RAB38: variants seen among roughly 807,000 people sequenced by gnomAD.
RAB38 encodes the protein ras-related protein Rab-38.
Under a neutral mutation model 18.4 loss-of-function variants are expected in RAB38, and 15 were observed. The observed-to-expected ratio is 0.82, with a 90% CI of 0.55 to 1.26. The LOEUF (loss-of-function observed/expected upper bound fraction) is 1.26, where lower values mean the gene tolerates loss of function less well. Among genes scored for constraint, RAB38 ranks in the 50% most tolerant of loss-of-function variants. The probability of loss-of-function intolerance (pLI) is 0.00; values close to 1 mark genes in which losing one functional copy is unlikely to be tolerated. For missense variants in RAB38, 294 were observed against 267.4 expected, an observed-to-expected ratio of 1.10 and a Z score of -0.69; for synonymous variants, 101 against 104.4, an observed-to-expected ratio of 0.97 and a Z score of 0.20.
the RAB38 span, among the ~76,000 whole-genome samples, chr11:87,804,008 A>G: frequency 6.6e-6 from 1 of 152,210 alleles, no homozygotes; most frequent in African/African-American, 2.4e-5. Context: ...ACATATGCAT[A>G]TGCCAGGTCT....
the RAB38 span, among the ~76,000 whole-genome samples, chr11:87,941,233 A>ATATATATATATATG: frequency 8.0e-6 from 1 of 124,264 alleles, no homozygotes; most frequent in Admixed American, 8.5e-5. Context: ...ATATATATAT[A>ATATATATATATATG]TATATATATA....
chr11:87,834,009 G>A, the RAB38 span, among the ~76,000 whole-genome samples: 1 of 152,218 alleles, frequency 6.6e-6, no homozygotes. Flanking sequence ...GCAGAGAACT[G>A]TGTCCAGCTG....
chr11:87,861,169 GA>G, the RAB38 span, among the ~76,000 whole-genome samples: 1 of 151,838 alleles, frequency 6.6e-6, no homozygotes, highest in Admixed American at 6.6e-5. Flanking sequence ...AATTTGCATG[GA>G]AAAAGGCCAT....
At chr11:88,144,087 C>T (rs1448175765) in intron 2 of RAB38, among the ~76,000 whole-genome samples, 1 of 152,200 alleles carries the variant, frequency 6.6e-6, no homozygotes, top group African/African-American at 2.4e-5. Flanking sequence ...AATAGTTGTA[C>T]TACAGACTGG....
At chr11:88,132,642 A>G (rs948250645) in intron 2 of RAB38, among the ~76,000 whole-genome samples, 4 of 151,990 alleles carry the variant, frequency 2.6e-5, no homozygotes, top group African/African-American at 9.7e-5. Context: ...TATTTTTAGT[A>G]GAGATGGGGT....
At chr11:87,916,880 A>G in the RAB38 span, among the ~76,000 whole-genome samples, 1 of 152,172 alleles carries the variant, frequency 6.6e-6, no homozygotes, top group African/African-American at 2.4e-5. Flanking sequence ...TTGTATACAT[A>G]GTGGACTGAC....
the RAB38 span, among the ~76,000 whole-genome samples, chr11:87,950,915 G>C: frequency 5.8e-4 from 88 of 152,222 alleles, no homozygotes; most frequent in African/African-American, 2.0e-3. Context: ...TGTATTTCCT[G>C]AATCTGAATG....
At chr11:88,174,620 C>CAAAAAA (rs60026669) in intron 1 of RAB38, among the ~76,000 whole-genome samples, 489 of 100,506 alleles carry the variant, frequency 4.9e-3, no homozygotes, top group East Asian at 6.7e-3. Flanking sequence ...AAGCAAAAAG[C>CAAAAAA]AAAAAAAAAA....
downstream of RAB38, among the ~76,000 whole-genome samples, chr11:88,111,370 G>A (rs1198342046): frequency 6.6e-6 from 1 of 152,030 alleles, no homozygotes; most frequent in Non-Finnish European, 1.5e-5. Context: ...AATGACCCTT[G>A]TCTGTATAGT....
chr11:87,878,971 A>AT, the RAB38 span, among the ~76,000 whole-genome samples: 6,132 of 133,714 alleles, frequency 0.046, 279 homozygotes, highest in Middle Eastern at 0.08. Context: ...GCAATTACTG[A>AT]TTTTTTTTTT....
At chr11:88,029,315 C>T in the RAB38 span, among the ~76,000 whole-genome samples, 1 of 151,482 alleles carries the variant, frequency 6.6e-6, no homozygotes, top group Non-Finnish European at 1.5e-5. Context: ...GAAGAAACTG[C>T]ATCAACTAAC....
At chr11:88,104,008 G>A in the RAB38 span, among the ~76,000 whole-genome samples, 1 of 152,096 alleles carries the variant, frequency 6.6e-6, no homozygotes, top group African/African-American at 2.4e-5. Context: ...ATTTCCCAGA[G>A]AGTGGTTTCC....
the RAB38 span, among the ~76,000 whole-genome samples, chr11:87,961,656 G>T: frequency 5.3e-5 from 8 of 152,256 alleles, no homozygotes; most frequent in African/African-American, 1.7e-4. Context: ...AAAGAGGAAT[G>T]GTTCTGTACC....
the RAB38 span, among the ~76,000 whole-genome samples, chr11:87,846,210 A>G: frequency 6.6e-6 from 1 of 152,098 alleles, no homozygotes; most frequent in Non-Finnish European, 1.5e-5. Context: ...GAAGAGAAAC[A>G]GAAAACAAGA....
chr11:87,976,038 T>C, the RAB38 span, among the ~76,000 whole-genome samples: 2 of 151,036 alleles, frequency 1.3e-5, no homozygotes, highest in African/African-American at 2.4e-5. Context: ...CAAATAACGC[T>C]ATTGCTGTGA....
intron 1 of RAB38, among the ~76,000 whole-genome samples, chr11:88,162,658 A>T (rs1174132201): frequency 1.3e-5 from 2 of 152,118 alleles, no homozygotes; most frequent in African/African-American, 2.4e-5. Context: ...CTAGGAACAT[A>T]TAACTAGAAC....
chr11:87,975,269 C>G, the RAB38 span, among the ~76,000 whole-genome samples: 7 of 151,896 alleles, frequency 4.6e-5, no homozygotes, highest in African/African-American at 1.7e-4. Context: ...AAGTCACATT[C>G]TGAGGTTCCA....
chr11:87,941,211 T>TGA, the RAB38 span, among the ~76,000 whole-genome samples: 226 of 24,130 alleles, frequency 9.4e-3, 14 homozygotes, highest in Non-Finnish European at 2.6e-3. Context: ...TATAAATATA[T>TGA]GAGATATATA....
the RAB38 span, among the ~76,000 whole-genome samples, chr11:87,829,023 A>G: frequency 6.6e-6 from 1 of 152,226 alleles, no homozygotes; most frequent in East Asian, 1.9e-4. Context: ...CCTTGAAAGT[A>G]CTCTGACAAA....
Sources: allele counts gnomAD v4.1 joint callset (sites outside exome capture counted in the v4.1 genomes callset), GRCh38; gene constraint gnomAD v4.1.1; transcripts MANE v1.5; gene names NCBI Gene and HGNC (gene_info 2026-07-23, HGNC 2026-07-21).